ATF2: variants seen among roughly 807,000 people sequenced by gnomAD.
The protein encoded by ATF2 is cyclic AMP-dependent transcription factor ATF-2.
In ATF2, 24 loss-of-function variants were observed where a neutral mutation model predicts 60.6. The ratio of observed to expected loss-of-function variants is 0.40; its 90% confidence interval spans 0.29 to 0.56. The LOEUF (loss-of-function observed/expected upper bound fraction) is 0.56, where lower values mean the gene tolerates loss of function less well. Among genes scored for constraint, ATF2 ranks in the 20% least tolerant of loss-of-function variants. The pLI, the probability that ATF2 is intolerant of heterozygous loss-of-function variation, is 0.54. For missense variants in ATF2, 433 were observed against 607.7 expected (o/e 0.71, Z 3.02); for synonymous variants, 206 against 215.4 (o/e 0.96, Z 0.38).
intron 1 of ATF2, among the ~76,000 whole-genome samples, chr2:175,155,925 G>C (rs924585475): frequency 6.6e-6 from 1 of 152,134 alleles, no homozygotes; most frequent in Non-Finnish European, 1.5e-5. Flanking sequence ...ACTTTAAAAT[G>C]TACAAGGGTA....
chr2:175,116,254 G>C lies in ATF2; in HGVS notation c.448-1386C>G, dbSNP rs137961498. Among the ~76,000 whole-genome samples, 4 of 152,180 alleles carry C rather than the reference G, an allele frequency of 2.6e-5. No individual in the cohort carries two copies. The East Asian group carries it at 7.7e-4, about 29-fold the overall frequency. On this transcript the variant is annotated intron_variant, in intron 7 of 13. Transcript: ENST00000264110. Reference sequence around the variant, plus strand: ...AATAATCCAAACAAAAGATGATGATGGTTTGGGCTTACGTGGTGTCACTGA... The same window carrying C: ...AATAATCCAAACAAAAGATGATGATCGTTTGGGCTTACGTGGTGTCACTGA...
At chr2:175,081,524 GTGA>G (rs1693756217) in intron 12 of ATF2, among the ~76,000 whole-genome samples, 1 of 152,146 alleles carries the variant, frequency 6.6e-6, no homozygotes, top group African/African-American at 2.4e-5. Flanking sequence ...ACGTAAGTCA[GTGA>G]TCATTACCAA....
chr2:175,122,122 T>A (rs1014241563), intron 4 of ATF2, among the ~76,000 whole-genome samples: 5 of 151,814 alleles, frequency 3.3e-5, no homozygotes, highest in African/African-American at 1.2e-4. Context: ...AATAAAAAAA[T>A]TTAAAGTAGC....
chr2:175,150,305 C>A (rs1421615439), intron 2 of ATF2, among the ~76,000 whole-genome samples: 1 of 152,080 alleles, frequency 6.6e-6, no homozygotes, highest in East Asian at 1.9e-4. Flanking sequence ...TGACAAAAAA[C>A]CCAATCTGCT....
intron 2 of ATF2, among the ~76,000 whole-genome samples, chr2:175,147,765 A>G (rs879409460): frequency 1.3e-4 from 20 of 152,222 alleles, no homozygotes; most frequent in Non-Finnish European, 1.6e-4. Context: ...AGGAAGAGAA[A>G]AAGTGAAAAT....
At chr2:175,080,592 A>G (rs1693694254) in intron 13 of ATF2, 68 bp downstream of exon 13, 2 of 1,150,838 alleles carry the variant, frequency 1.7e-6, no homozygotes, top group Non-Finnish European at 2.5e-6. Context: ...TTAAAGTAGC[A>G]GCTCAGTTCA....
At chr2:175,140,488 G>T (rs931149825) in intron 2 of ATF2, among the ~76,000 whole-genome samples, 9 of 152,148 alleles carry the variant, frequency 5.9e-5, no homozygotes, top group Non-Finnish European at 4.4e-5. Flanking sequence ...AGGAGTAGAA[G>T]GAGTGGGAGG....
In ATF2 at chr2:175,112,428, A is replaced by G. The variant is rs890115875; in HGVS notation, c.742-774T>C. Among the ~76,000 whole-genome samples, 6 of 152,184 alleles carry G rather than the reference A, an allele frequency of 3.9e-5. 1 individual carries two copies. In the South Asian group the frequency reaches 8.3e-4, roughly 21 times the overall value. On this transcript the variant is annotated intron_variant, in intron 9 of 13. Transcript: ENST00000264110. ...GGCACATTATCTTGAAATTACGTCA[A>G]TCAATGCTAATTTTGGATAGTTTGA...
chr2:175,141,063 A>G (rs1213666022), intron 2 of ATF2, among the ~76,000 whole-genome samples: 6 of 130,244 alleles, frequency 4.6e-5, no homozygotes, highest in Non-Finnish European at 6.4e-5. Context: ...GTATATATAT[A>G]TGTGTGTGTA....
At chr2:175,154,069 G>C (rs1340469539) in intron 1 of ATF2, among the ~76,000 whole-genome samples, 1 of 150,920 alleles carries the variant, frequency 6.6e-6, no homozygotes, top group Non-Finnish European at 1.5e-5. Flanking sequence ...TACAAAATTA[G>C]CCGGTGTGGT....
chr2:175,150,939 C>G (rs540301019), intron 2 of ATF2, 121 bp downstream of exon 2: 1 of 152,440 alleles, frequency 6.6e-6, no homozygotes, highest in African/African-American at 2.4e-5. Context: ...ACTATCAATA[C>G]GGTAGGACTT....
chr2:175,088,980 G>C (rs901607459), intron 12 of ATF2, among the ~76,000 whole-genome samples: 1 of 152,046 alleles, frequency 6.6e-6, no homozygotes, highest in Non-Finnish European at 1.5e-5. Context: ...TCGGGAGTTC[G>C]AGACCAGCCT....
At chr2:175,074,895 G>A in intron 13 of ATF2, 60 bp from the exon 14 acceptor site, 5 of 1,596,892 alleles carry the variant, frequency 3.1e-6, no homozygotes, top group Non-Finnish European at 4.3e-6. Context: ...GCACCAGTAT[G>A]CTGAGGCAAT....
intron 3 of ATF2, among the ~76,000 whole-genome samples, chr2:175,135,765 G>T (rs975078106): frequency 6.6e-6 from 1 of 152,026 alleles, no homozygotes. Context: ...TTTAAATTTC[G>T]ATTTAAAAGT....
intron 1 of ATF2, among the ~76,000 whole-genome samples, chr2:175,166,148 T>C (rs1280069538): frequency 6.6e-6 from 1 of 152,206 alleles, no homozygotes; most frequent in Non-Finnish European, 1.5e-5. Flanking sequence ...TTATGTACAC[T>C]ACACATACAA....
At position 175,151,936 on chromosome 2, in the gene ATF2, C is replaced by T. The variant is rs922201145; in HGVS notation, c.-142-778G>A. Among the ~76,000 whole-genome samples the T allele has an allele frequency of 9.9e-5, 15 of 152,250 alleles. No individual in the cohort carries two copies. The East Asian group carries it at 2.9e-3, about 29-fold the overall frequency. ...TGAGAAAAAGGAGATAAGCAATAGC[C>T]TCCCTTTAAGGAAATTTTTCAGAAA... On this transcript the variant is annotated intron_variant, in intron 1 of 13. Coordinates refer to ENST00000264110, the MANE Select transcript of ATF2 (RefSeq NM_001880.4).
intron 10 of ATF2, among the ~76,000 whole-genome samples, chr2:175,104,760 A>G (rs141302230): frequency 1.2e-4 from 18 of 152,324 alleles, no homozygotes; most frequent in African/African-American, 4.3e-4. Flanking sequence ...TACCACTGAC[A>G]TTTTAATTTC....
chr2:175,083,038 G>A (rs1693872490), intron 12 of ATF2, among the ~76,000 whole-genome samples: 1 of 151,944 alleles, frequency 6.6e-6, no homozygotes, highest in Non-Finnish European at 1.5e-5. Flanking sequence ...TCATGGGTAG[G>A]AAGAATCAAT....
intron 9 of ATF2, among the ~76,000 whole-genome samples, chr2:175,113,482 A>G (rs1009888101): frequency 9.9e-5 from 15 of 152,134 alleles, no homozygotes; most frequent in African/African-American, 3.6e-4. Flanking sequence ...CAAAATTTAT[A>G]TATTTAACAC....
Sources: gnomAD v4.1 joint callset for allele counts (sites outside exome capture counted in the v4.1 genomes callset) on GRCh38, gnomAD v4.1.1 for gene constraint, MANE v1.5 for transcripts, NCBI Gene and HGNC (gene_info 2026-07-23, HGNC 2026-07-21) for gene names.